Variants in AOPEP observed in about 807,000 individuals in gnomAD.
The protein encoded by AOPEP is aminopeptidase O.
Under a neutral mutation model 98.1 loss-of-function variants are expected in AOPEP, and 77 were observed. The observed-to-expected ratio is 0.78, with a 90% CI of 0.65 to 0.95. The LOEUF is 0.95. AOPEP is among the 40% of genes least tolerant of loss of function. The pLI is 0.00. For synonymous variants in AOPEP, 346 were observed against 365.3 expected, an observed-to-expected ratio of 0.95 and a Z score of 0.60; for missense variants, 1,024 against 1,024.7, an observed-to-expected ratio of 1.00 and a Z score of 0.01.
intron 13 of AOPEP, among the ~76,000 whole-genome samples, chr9:95,028,937 G>C (rs1328258350): frequency 6.6e-6 from 1 of 152,224 alleles, no homozygotes; most frequent in African/African-American, 2.4e-5. Context: ...CCAGATGTCC[G>C]CAGTGTTTTG....
At chr9:94,908,668 G>C (rs1415681919) in intron 5 of AOPEP, among the ~76,000 whole-genome samples, 1 of 152,160 alleles carries the variant, frequency 6.6e-6, no homozygotes, top group South Asian at 2.1e-4. Flanking sequence ...CAGAGGTAGA[G>C]AGGGGAAACC....
chr9:94,749,357 A>G (rs2132163535), intron 1 of AOPEP, among the ~76,000 whole-genome samples: 1 of 151,842 alleles, frequency 6.6e-6, no homozygotes, highest in South Asian at 2.1e-4. Flanking sequence ...TCCATCTTGT[A>G]TTTTCCCTGC....
At chr9:94,873,493 A>G (rs934274723) in intron 5 of AOPEP, among the ~76,000 whole-genome samples, 1 of 152,216 alleles carries the variant, frequency 6.6e-6, no homozygotes, top group Admixed American at 6.5e-5. Flanking sequence ...TAACAGTTGC[A>G]TGAGTGGTTA....
chr9:95,150,026 C>G, the AOPEP span: 2 of 1,614,060 alleles, frequency 1.2e-6, no homozygotes, highest in African/African-American at 2.7e-5. Flanking sequence ...GGGTCAACAT[C>G]TGTCAGGGTA....
intron 5 of AOPEP, among the ~76,000 whole-genome samples, chr9:94,870,723 A>G (rs1182844177): frequency 6.6e-6 from 1 of 152,248 alleles, no homozygotes; most frequent in Non-Finnish European, 1.5e-5. Context: ...TAGTGAAGAT[A>G]TAAGTTGGAT....
chr9:94,912,027 C>T (rs558860339), intron 5 of AOPEP, among the ~76,000 whole-genome samples: 1 of 152,276 alleles, frequency 6.6e-6, no homozygotes, highest in Admixed American at 6.5e-5. Context: ...GGACTTCCAG[C>T]AGCATAGATT....
chr9:95,140,641 T>C, the AOPEP span, among the ~76,000 whole-genome samples: 1 of 152,094 alleles, frequency 6.6e-6, no homozygotes, highest in South Asian at 2.1e-4. Flanking sequence ...CTGGCAACAG[T>C]CCACCTTTTC....
chr9:94,929,584 G>T (rs1253656767), intron 7 of AOPEP, among the ~76,000 whole-genome samples: 1 of 152,266 alleles, frequency 6.6e-6, no homozygotes, highest in African/African-American at 2.4e-5. Context: ...CTAGCGGAGG[G>T]AAGTGGAGCG....
At chr9:95,031,423 G>A (rs2064289819) in intron 13 of AOPEP, among the ~76,000 whole-genome samples, 1 of 152,164 alleles carries the variant, frequency 6.6e-6, no homozygotes, top group African/African-American at 2.4e-5. Context: ...TACCCAGAAT[G>A]CCAGAACACG....
intron 13 of AOPEP, among the ~76,000 whole-genome samples, chr9:95,050,627 C>T (rs1232506274): frequency 6.6e-6 from 1 of 152,164 alleles, no homozygotes; most frequent in African/African-American, 2.4e-5. Context: ...ACCTCACCAC[C>T]TCCCCCCTGC....
At chr9:94,973,215 T>G (rs2059634612) in intron 10 of AOPEP, among the ~76,000 whole-genome samples, 1 of 152,264 alleles carries the variant, frequency 6.6e-6, no homozygotes, top group Non-Finnish European at 1.5e-5. Context: ...CAGACTGTGA[T>G]CTTTAGGATC....
chr9:95,093,228 G>A, the AOPEP span, among the ~76,000 whole-genome samples: 1 of 152,240 alleles, frequency 6.6e-6, no homozygotes, highest in East Asian at 1.9e-4. Context: ...GGAAAGCCAT[G>A]ATGAGCACAG....
chr9:95,051,251 A>C (rs2066337391), intron 13 of AOPEP, among the ~76,000 whole-genome samples: 1 of 151,326 alleles, frequency 6.6e-6, no homozygotes, highest in Non-Finnish European at 1.5e-5. Context: ...CACCACACCC[A>C]GCTAATTTTT....
At chr9:94,751,815 A>G (rs562655679) in intron 1 of AOPEP, among the ~76,000 whole-genome samples, 1 of 148,054 alleles carries the variant, frequency 6.8e-6, no homozygotes, top group African/African-American at 2.5e-5. Flanking sequence ...TTGCAAGGGT[A>G]TATTGCATGA....
At chr9:95,024,382 G>A (rs1053602804) in intron 13 of AOPEP, among the ~76,000 whole-genome samples, 5 of 152,212 alleles carry the variant, frequency 3.3e-5, no homozygotes, top group Non-Finnish European at 7.3e-5. Flanking sequence ...GCAGCCACTG[G>A]CAGCACTGCC....
At chr9:95,107,193 G>A in the AOPEP span, 78 of 1,614,208 alleles carry the variant, frequency 4.8e-5, no homozygotes, top group African/African-American at 1.3e-4. Context: ...TCCTGCTACC[G>A]TCTGCAGGTC....
chr9:94,749,015 A>G (rs1835111305), intron 1 of AOPEP, among the ~76,000 whole-genome samples: 1 of 152,232 alleles, frequency 6.6e-6, no homozygotes, highest in African/African-American at 2.4e-5. Flanking sequence ...GGGGAAAGGA[A>G]TTAAGTTCTA....
intron 13 of AOPEP, among the ~76,000 whole-genome samples, chr9:95,035,337 T>TC (rs1318562199): frequency 6.6e-6 from 1 of 152,020 alleles, no homozygotes; most frequent in African/African-American, 2.4e-5. Flanking sequence ...GTAGGAGCAG[T>TC]CAGCAGCCAG....
intron 10 of AOPEP, among the ~76,000 whole-genome samples, chr9:94,974,268 A>G (rs2059704341): frequency 6.6e-6 from 1 of 152,190 alleles, no homozygotes; most frequent in Non-Finnish European, 1.5e-5. Flanking sequence ...ATCTTATTCC[A>G]CATTAACAAT....
Sources: gnomAD v4.1 joint callset for allele counts (sites outside exome capture counted in the v4.1 genomes callset) on GRCh38, gnomAD v4.1.1 for gene constraint, MANE v1.5 for transcripts, NCBI Gene and HGNC (gene_info 2026-07-23, HGNC 2026-07-21) for gene names.